Variants in MDGA2 observed in about 807,000 individuals in gnomAD.
MDGA2 encodes the protein MAM domain containing glycosylphosphatidylinositol anchor 2.
MDGA2 carries 40 observed loss-of-function variants against 117.8 expected under a neutral mutation model. The ratio of observed to expected loss-of-function variants is 0.34; its 90% confidence interval spans 0.26 to 0.44. MDGA2 has a LOEUF of 0.44. Among genes scored for constraint, MDGA2 ranks in the 20% least tolerant of loss-of-function variants. The pLI is 1.00. For missense variants in MDGA2, 1,123 were observed against 1,250.6 expected (o/e 0.90, Z 1.54); for synonymous variants, 452 against 439.0 (o/e 1.03, Z -0.37).
intron 6 of MDGA2, among the ~76,000 whole-genome samples, chr14:47,080,824 A>T (rs1407525258): frequency 2.6e-5 from 4 of 151,864 alleles, no homozygotes. Flanking sequence ...CCTTTCTTCA[A>T]TTTTCAATCT....
At chr14:46,859,206 G>A (rs148272720) in intron 14 of MDGA2, among the ~76,000 whole-genome samples, 1 of 152,044 alleles carries the variant, frequency 6.6e-6, no homozygotes, top group African/African-American at 2.4e-5. Context: ...GGGGTTTTAT[G>A]AGATCTCTAC....
chr14:46,856,999 T>A (rs1335470073), intron 14 of MDGA2, among the ~76,000 whole-genome samples: 1 of 152,154 alleles, frequency 6.6e-6, no homozygotes, highest in East Asian at 1.9e-4. Context: ...TCACTTCACT[T>A]TCTATATCTC....
chr14:46,841,627 A>ATTTTTTTT lies in MDGA2; in HGVS notation c.*296_*303dup. ...TAGCTCTTTTTTTTTTCTTTTTTTCATTTTTTTTTTTTTTTCCAGAGTTCA... is the reference window on the plus strand; with the variant it reads ...TAGCTCTTTTTTTTTTCTTTTTTTCATTTTTTTTTTTTTTTTTTTTTTTCCAGAGTTCA... On this transcript the variant is annotated 3_prime_UTR_variant, in exon 17 of 17. Transcript: ENST00000399232. 1 of 130,050 alleles carries ATTTTTTTT rather than the reference A, an allele frequency of 7.7e-6. No homozygotes were observed. The highest frequency in any genetic ancestry group is 1.6e-5 in the Non-Finnish European group (1 of 63,856). The allele number at this position is 130,050 out of a possible 1,614,324, so 8.1% of individuals were successfully genotyped here. A position where few individuals can be genotyped will look rare whatever the true frequency, so the allele number is the denominator to read the frequency against.
intron 3 of MDGA2, among the ~76,000 whole-genome samples, chr14:47,162,747 T>C (rs1287971916): frequency 6.6e-6 from 1 of 152,170 alleles, no homozygotes; most frequent in Admixed American, 6.5e-5. Flanking sequence ...CTCCTCATGA[T>C]TTATATATCT....
chr14:46,998,733 T>C (rs1887392507), intron 8 of MDGA2, among the ~76,000 whole-genome samples: 1 of 152,160 alleles, frequency 6.6e-6, no homozygotes, highest in South Asian at 2.1e-4. Context: ...AAATGAACAC[T>C]AATTATCCAC....
chr14:47,117,268 A>C (rs943585513), intron 5 of MDGA2, among the ~76,000 whole-genome samples: 1 of 152,172 alleles, frequency 6.6e-6, no homozygotes, highest in Non-Finnish European at 1.5e-5. Context: ...AAGTGTCAGC[A>C]AGGATGTGAA....
At chr14:47,380,943 C>T (rs986956102) in intron 1 of MDGA2, among the ~76,000 whole-genome samples, 137 of 152,138 alleles carry the variant, frequency 9.0e-4, no homozygotes, top group Admixed American at 2.0e-3. Context: ...CTGATGAACA[C>T]CGATGCAAAA....
intron 1 of MDGA2, among the ~76,000 whole-genome samples, chr14:47,564,446 G>C (rs528712428): frequency 1.3e-5 from 2 of 152,182 alleles, no homozygotes; most frequent in Non-Finnish European, 2.9e-5. Flanking sequence ...GTCTTTCACA[G>C]ATGGCAGCAG....
intron 3 of MDGA2, among the ~76,000 whole-genome samples, chr14:47,163,675 G>A (rs7158213): frequency 0.23 from 34,284 of 151,990 alleles, 4,254 homozygotes; most frequent in African/African-American, 0.32. Context: ...GCATGAAAAC[G>A]GACTAATACA....
intron 8 of MDGA2, among the ~76,000 whole-genome samples, chr14:47,006,440 AATT>A (rs1887714110): frequency 1.4e-5 from 2 of 147,466 alleles, no homozygotes; most frequent in Admixed American, 6.8e-5. Context: ...TATATGTTTT[AATT>A]ATAATTATAA....
chr14:47,604,643 T>A (rs926660397), intron 1 of MDGA2, among the ~76,000 whole-genome samples: 1 of 152,046 alleles, frequency 6.6e-6, no homozygotes, highest in Non-Finnish European at 1.5e-5. Context: ...GTCTTCAATC[T>A]TGGTTTTACT....
At chr14:47,111,956 AG>A (rs1346573470) in intron 5 of MDGA2, among the ~76,000 whole-genome samples, 3 of 152,186 alleles carry the variant, frequency 2.0e-5, no homozygotes, top group African/African-American at 7.2e-5. Context: ...TAGTTCTCCA[AG>A]GAAGAGCCTG....
At chr14:47,402,085 C>G (rs533944483) in intron 1 of MDGA2, among the ~76,000 whole-genome samples, 2 of 152,240 alleles carry the variant, frequency 1.3e-5, no homozygotes, top group South Asian at 4.2e-4. Context: ...AAGACTTTCA[C>G]GGTTTGTTTC....
At chr14:47,423,716 T>G (rs970228199) in intron 1 of MDGA2, among the ~76,000 whole-genome samples, 1 of 152,196 alleles carries the variant, frequency 6.6e-6, no homozygotes, top group Admixed American at 6.5e-5. Context: ...CTACTGAATT[T>G]TTCTAGTGAC....
intron 1 of MDGA2, among the ~76,000 whole-genome samples, chr14:47,370,083 C>G (rs1040540839): frequency 2.6e-5 from 4 of 151,508 alleles, no homozygotes. Context: ...GTTTTTTTCT[C>G]AAATGGTAAC....
chr14:47,518,947 T>C (rs1894811555), intron 1 of MDGA2, among the ~76,000 whole-genome samples: 2 of 152,304 alleles, frequency 1.3e-5, no homozygotes, highest in Admixed American at 1.3e-4. Flanking sequence ...CTCATACCTG[T>C]AATCCCAGCA....
At chr14:46,875,845 ATC>A (rs1329757953) in intron 12 of MDGA2, among the ~76,000 whole-genome samples, 1 of 151,648 alleles carries the variant, frequency 6.6e-6, no homozygotes, top group Non-Finnish European at 1.5e-5. Context: ...CAGTTTATGT[ATC>A]TACTGCCAAG....
Position 47,061,408 on chromosome 14 carries a change from C to T in MDGA2, c.1366G>A (p.Val456Ile), listed in dbSNP as rs757237038. ...GRPLRSSERMVITQTDPDVSP... is the reference protein window; with the variant it reads ...GRPLRSSERMIITQTDPDVSP... ...ACATCAGGATCAGTCTGTGTAATGA[C>T]CATCCGCTCAGAACTTCTTAATGGA... is the stretch of plus-strand genomic sequence containing the variant. The change falls in exon 7 of 17, where the codon GTC becomes ATC. Residue 456 changes from valine to isoleucine, a missense_variant. Physicochemically the swap from Val to Ile is conservative, Grantham distance 29. Coordinates refer to ENST00000399232, the MANE Select transcript of MDGA2 (RefSeq NM_001113498.3). The T allele has an allele frequency of 8.7e-6, 14 of 1,613,484 alleles. No homozygotes were observed. Among genetic ancestry groups the T allele is most frequent in the Admixed American group, 1.7e-5 (1 of 59,934 alleles).
chr14:47,279,087 T>A (rs1280563414), intron 2 of MDGA2, among the ~76,000 whole-genome samples: 3 of 152,194 alleles, frequency 2.0e-5, no homozygotes, highest in Admixed American at 6.5e-5. Flanking sequence ...ATAGTATAAA[T>A]GACAGTATAC....
Sources: gnomAD v4.1 joint callset for allele counts (sites outside exome capture counted in the v4.1 genomes callset) on GRCh38, gnomAD v4.1.1 for gene constraint, MANE v1.5 for transcripts, NCBI Gene and HGNC (gene_info 2026-07-23, HGNC 2026-07-21) for gene names.